The following NUMB variants were observed in gnomAD, a reference collection of about 807,000 sequenced individuals.
NUMB encodes the protein protein numb homolog.
NUMB carries 29 observed loss-of-function variants against 59.7 expected under a neutral mutation model. The ratio of observed to expected loss-of-function variants is 0.49; its 90% CI spans 0.36 to 0.66. NUMB has a LOEUF of 0.66. Ranked by LOEUF, NUMB falls within the 30% of genes least tolerant of loss-of-function variation. The pLI, the probability that NUMB is intolerant of heterozygous loss-of-function variation, is 0.00. For synonymous variants in NUMB, 288 were observed against 288.2 expected, an observed-to-expected ratio of 1.00 and a Z score of 0.01; for missense variants, 723 against 822.0, an observed-to-expected ratio of 0.88 and a Z score of 1.47.
At chr14:73,436,348 A>G (rs12589739) in intron 1 of NUMB, among the ~76,000 whole-genome samples, 82,266 of 151,910 alleles carry the variant, frequency 0.54, 22,889 homozygotes, top group East Asian at 0.73. Flanking sequence ...ACGGAGTCCC[A>G]CTCTGTCGCC....
chr14:73,398,388 C>G lies in NUMB; in HGVS notation c.-101+11549G>C, dbSNP rs1380561569. On this transcript the variant is annotated intron_variant, in intron 2 of 12. Transcript: ENST00000555238. ...CATATTTGTATATGAGAGAGAGACA[C>G]ACACAGAGAGAGAGAGAGAGAGAGA... is the stretch of plus-strand genomic sequence containing the variant. Among the ~76,000 whole-genome samples the G allele has an allele frequency of 6.1e-5, 7 of 114,904 alleles. No individual in the cohort carries two copies. In the East Asian group the frequency reaches 9.1e-4, roughly 15 times the overall value. The allele number at this position is 114,904 out of a possible 152,430, so 75.4% of individuals were successfully genotyped here.
intron 3 of NUMB, among the ~76,000 whole-genome samples, chr14:73,363,942 A>G (rs1361588053): frequency 6.6e-6 from 1 of 152,124 alleles, no homozygotes; most frequent in Non-Finnish European, 1.5e-5. Context: ...ACAAGATCCC[A>G]TCTCTTAAAA....
chr14:73,360,580 G>A (rs1479911933), intron 3 of NUMB, among the ~76,000 whole-genome samples: 2 of 151,976 alleles, frequency 1.3e-5, no homozygotes, highest in African/African-American at 4.8e-5. Context: ...AAAAGGTATG[G>A]CCCCTGCATG....
intron 5 of NUMB, among the ~76,000 whole-genome samples, chr14:73,317,869 T>G (rs143259272): frequency 1.8e-4 from 28 of 152,348 alleles, no homozygotes; most frequent in African/African-American, 6.3e-4. Flanking sequence ...CATAGGTTTT[T>G]AATGTTGGAT....
intron 1 of NUMB, among the ~76,000 whole-genome samples, chr14:73,454,187 C>A (rs1884191464): frequency 6.6e-6 from 1 of 151,532 alleles, no homozygotes; most frequent in Non-Finnish European, 1.5e-5. Context: ...CATATGTACT[C>A]TCAGAATCTA....
chr14:73,295,617 T>C (rs1889722240), intron 7 of NUMB, among the ~76,000 whole-genome samples: 1 of 152,224 alleles, frequency 6.6e-6, no homozygotes, highest in African/African-American at 2.4e-5. Flanking sequence ...TGCAGCTATA[T>C]TAAACCACTT....
intron 1 of NUMB, among the ~76,000 whole-genome samples, chr14:73,434,905 T>C (rs1196203449): frequency 6.6e-6 from 1 of 152,318 alleles, no homozygotes; most frequent in East Asian, 1.9e-4. Context: ...AATTATTTCA[T>C]TTTATTTTTA....
intron 1 of NUMB, among the ~76,000 whole-genome samples, chr14:73,426,711 G>T (rs1424383993): frequency 6.6e-5 from 10 of 152,158 alleles, no homozygotes; most frequent in Admixed American, 4.6e-4. Flanking sequence ...GCCAGGCGTG[G>T]TGGCGGGCAC....
chr14:73,418,019 C>T (rs1897203677), intron 1 of NUMB, among the ~76,000 whole-genome samples: 1 of 151,890 alleles, frequency 6.6e-6, no homozygotes, highest in Non-Finnish European at 1.5e-5. Flanking sequence ...GCAGGAGAAT[C>T]ACTTGAACCC....
At chr14:73,426,628 C>T (rs137974963) in intron 1 of NUMB, among the ~76,000 whole-genome samples, 1,551 of 152,194 alleles carry the variant, frequency 0.01, 24 homozygotes, top group African/African-American at 0.035. Flanking sequence ...GGGCAGATAA[C>T]CTGAGGTCAG....
intron 2 of NUMB, among the ~76,000 whole-genome samples, chr14:73,399,150 G>A (rs557668150): frequency 1.2e-4 from 18 of 152,082 alleles, no homozygotes; most frequent in South Asian, 4.2e-4. Context: ...ACCATTATAC[G>A]GATTAAAAAC....
At chr14:73,340,860 G>A (rs1246970670) in intron 4 of NUMB, among the ~76,000 whole-genome samples, 2 of 152,126 alleles carry the variant, frequency 1.3e-5, no homozygotes, top group East Asian at 3.8e-4. Context: ...CATGTGTCAC[G>A]GGAGGAACCT....
intron 6 of NUMB, among the ~76,000 whole-genome samples, chr14:73,311,616 C>T (rs1019655253): frequency 4.6e-5 from 7 of 152,152 alleles, no homozygotes; most frequent in Admixed American, 6.5e-5. Flanking sequence ...AATTCAGAAT[C>T]GGGGCAAACA....
Position 73,352,515 on chromosome 14 carries a change from TATATATATATATATG to T in NUMB, c.126+3096_126+3110del, listed in dbSNP as rs1566756399. On this transcript the variant is annotated intron_variant, in intron 4 of 12. Coordinates refer to ENST00000555238, the MANE Select transcript of NUMB (RefSeq NM_001005743.2). The stretch of plus-strand genomic sequence containing the variant: ...ATATATATATATATATATATATATA[TATATATATATATATG>T]TTTTTTTTTTTTTTTTTTTTTTGAG... Among the ~76,000 whole-genome samples, 97 of 24,316 alleles carry T rather than the reference TATATATATATATATG, an allele frequency of 4.0e-3. 10 individuals are homozygous for T. Among genetic ancestry groups the T allele is most frequent in the Non-Finnish European group, 6.3e-3 (83 of 13,082 alleles). 16.0% of individuals were successfully genotyped at this position (24,316 alleles called of 152,430 possible).
chr14:73,367,344 T>TAG lies in NUMB; in HGVS notation c.-100-364_-100-363insCT, dbSNP rs1480182542. Among the ~76,000 whole-genome samples, 41 of 84,150 alleles carry TAG rather than the reference T, an allele frequency of 4.9e-4. 1 individual carries two copies. The highest frequency in any genetic ancestry group is 1.9e-3 in the South Asian group (6 of 3,094). 55.2% of individuals were successfully genotyped at this position (84,150 alleles called of 152,430 possible). A position where few individuals can be genotyped will look rare whatever the true frequency, so the allele number is the denominator to read the frequency against. ...ACACATATATACATATATATATATATATATAGAGAGAGAGAGAGAGAGAGA... is the reference window on the plus strand; with the variant it reads ...ACACATATATACATATATATATATATAGATATAGAGAGAGAGAGAGAGAGAGA... On this transcript the variant is annotated intron_variant, in intron 2 of 12. Coordinates refer to ENST00000555238, the MANE Select transcript of NUMB (RefSeq NM_001005743.2).
chr14:73,376,915 T>G (rs1894976060), intron 2 of NUMB, among the ~76,000 whole-genome samples: 1 of 152,216 alleles, frequency 6.6e-6, no homozygotes, highest in Non-Finnish European at 1.5e-5. Flanking sequence ...TTTAGTTAGT[T>G]ATTGTCAACT....
intron 2 of NUMB, among the ~76,000 whole-genome samples, chr14:73,387,294 AC>A (rs1895591176): frequency 1.3e-5 from 2 of 151,974 alleles, no homozygotes; most frequent in African/African-American, 2.4e-5. Context: ...TGGGGCGGTT[AC>A]CCCCATGCTG....
rs960089741 is a variant in NUMB at position 73,351,497 on chromosome 14, A to T, written c.126+4129T>A. Among the ~76,000 whole-genome samples the T allele has an allele frequency of 1.1e-4, 16 of 152,172 alleles. No individual in the cohort carries two copies. The South Asian group carries it at 1.5e-3, about 14-fold the overall frequency. ...GCAAGACTCTGTCTCATAAATAAATAAATTAATTAATTAAATTAAATAAGT... is the reference window on the plus strand; with the variant it reads ...GCAAGACTCTGTCTCATAAATAAATTAATTAATTAATTAAATTAAATAAGT... On this transcript the variant is annotated intron_variant, in intron 4 of 12. Transcript: ENST00000555238.
At chr14:73,350,695 C>CTTTT (rs71112733) in intron 4 of NUMB, among the ~76,000 whole-genome samples, 1 of 133,720 alleles carries the variant, frequency 7.5e-6, no homozygotes, top group Non-Finnish European at 1.6e-5. Flanking sequence ...CCACATCTAG[C>CTTTT]TTTTTTTTTT....
Sources: allele counts gnomAD v4.1 joint callset (sites outside exome capture counted in the v4.1 genomes callset), GRCh38; gene constraint gnomAD v4.1.1; transcripts MANE v1.5; gene names NCBI Gene and HGNC (gene_info 2026-07-23, HGNC 2026-07-21).